The following SLC9B2 variants were observed in gnomAD, a reference collection of about 807,000 sequenced individuals.
SLC9B2 encodes sodium/hydrogen exchanger 9B2.
SLC9B2 carries 39 observed loss-of-function variants against 52.2 expected under a neutral mutation model. The observed-to-expected ratio is 0.75, with a 90% CI of 0.58 to 0.98. SLC9B2 has a LOEUF of 0.98. Among genes scored for constraint, SLC9B2 ranks in the 50% least tolerant of loss-of-function variants. The pLI is 0.00. For missense variants in SLC9B2, 626 were observed against 637.5 expected (o/e 0.98, Z 0.19); for synonymous variants, 214 against 227.0 (o/e 0.94, Z 0.51).
At chr4:103,034,813 A>C (rs1191526824) in intron 9 of SLC9B2, among the ~76,000 whole-genome samples, 1 of 152,130 alleles carries the variant, frequency 6.6e-6, no homozygotes, top group Non-Finnish European at 1.5e-5. Context: ...AATTAACCAC[A>C]ATATTTGAGC....
In SLC9B2 at chr4:103,067,524, T is replaced by A; in HGVS notation, c.27A>T (p.Thr9=). ...CTGTGGATGGTTCTGAATCTTCATA[T>A]GTAATTCTTTTATCTTCATCCCCCA... MGDEDKRI[T]YEDSEPSTGM... is the part of the protein sequence containing the mutation. The change falls in exon 2 of 12, where the codon ACA becomes ACT. Residue 9 remains threonine (T), a synonymous_variant. Transcript: ENST00000394785. 6.2e-7 allele frequency: 1 copy of A among 1,613,074 alleles called. No homozygotes were observed. The highest frequency in any genetic ancestry group is 8.5e-7 in the Non-Finnish European group (1 of 1,179,188).
chr4:103,057,091 C>A (rs749497806), intron 4 of SLC9B2, among the ~76,000 whole-genome samples: 13 of 151,902 alleles, frequency 8.6e-5, no homozygotes, highest in Non-Finnish European at 8.8e-5. Flanking sequence ...CATGATGTCA[C>A]TGAACGTGGA....
In SLC9B2 at chr4:103,022,560, T is replaced by C. The variant is rs1251630417; in HGVS notation, c.*3810A>G. 6.6e-6 allele frequency among the ~76,000 whole-genome samples: 1 copy of C among 152,240 alleles called. No individual in the cohort carries two copies. On this transcript the variant is annotated 3_prime_UTR_variant, in exon 12 of 12. Coordinates refer to ENST00000394785, the MANE Select transcript of SLC9B2 (RefSeq NM_178833.7). The stretch of plus-strand genomic sequence containing the variant: ...ATTTTTTGCAATGAAAATGTGTTAC[T>C]TTATAATCAGAAAAAAATACTATTT...
At chr4:103,046,982 T>G (rs1744197118) in intron 7 of SLC9B2, 69 bp downstream of exon 7, 1 of 1,520,554 alleles carries the variant, frequency 6.6e-7, no homozygotes, top group Admixed American at 1.9e-5. Context: ...AAATATGTCA[T>G]GCTTATAACA....
At chr4:103,074,751 T>G (rs1425762936) in intron 1 of SLC9B2, among the ~76,000 whole-genome samples, 2 of 152,126 alleles carry the variant, frequency 1.3e-5, no homozygotes, top group Non-Finnish European at 2.9e-5. Flanking sequence ...TTTTCCAAAT[T>G]TCCACTCATG....
At chr4:103,065,150 A>G (rs1263387615) in intron 3 of SLC9B2, among the ~76,000 whole-genome samples, 1 of 149,290 alleles carries the variant, frequency 6.7e-6, no homozygotes, top group Non-Finnish European at 1.5e-5. Context: ...TTAAATCTGA[A>G]GATCCATGAA....
intron 3 of SLC9B2, among the ~76,000 whole-genome samples, chr4:103,058,934 G>A (rs1745394467): frequency 6.6e-6 from 1 of 152,062 alleles, no homozygotes. Flanking sequence ...GGGTATGGTG[G>A]TGGGCATCTG....
Position 103,065,352 on chromosome 4 carries a change from T to C in SLC9B2, c.271+975A>G, listed in dbSNP as rs967390615. The C allele has an allele frequency of 2.2e-4, 33 of 151,132 alleles. 1 individual carries two copies. The highest frequency in any genetic ancestry group is 1.9e-3 in the South Asian group (9 of 4,732). The allele number at this position is 151,132 out of a possible 1,614,324, so 9.4% of individuals were successfully genotyped here. On this transcript the variant is annotated intron_variant, in intron 3 of 11. Coordinates refer to ENST00000394785, the MANE Select transcript of SLC9B2 (RefSeq NM_178833.7). ...ATAAATATATTGTATTCTTGAAAAA[T>C]ACTAACAGTGAATGTATTGTGTTCT...
chr4:103,076,676 G>C lies in SLC9B2; in HGVS notation c.-535C>G, dbSNP rs901060642. ...CCCTGGGCGGGTCCGCAGGCTTCTG[G>C]GGCCAGGACCAGCGAGCTCCCGGGA... On this transcript the variant is annotated 5_prime_UTR_variant, in exon 1 of 12. Transcript: ENST00000394785. 6.6e-6 allele frequency: 1 copy of C among 152,224 alleles called. No homozygotes were observed. Among genetic ancestry groups the C allele is most frequent in the Non-Finnish European group, 1.5e-5 (1 of 68,052 alleles). 9.4% of individuals were successfully genotyped at this position (152,224 alleles called of 1,614,324 possible).
intron 4 of SLC9B2, among the ~76,000 whole-genome samples, chr4:103,053,002 T>C (rs1398351479): frequency 1.3e-5 from 2 of 152,168 alleles, no homozygotes; most frequent in Admixed American, 6.5e-5. Context: ...CCCCTGGTCA[T>C]GGAGGAAAGA....
At chr4:103,059,426 T>C (rs1745437941) in intron 3 of SLC9B2, among the ~76,000 whole-genome samples, 1 of 152,218 alleles carries the variant, frequency 6.6e-6, no homozygotes. Flanking sequence ...GGAAAAGCGT[T>C]GGCAGCTTCT....
chr4:103,055,880 T>C (rs1346571199), intron 4 of SLC9B2, among the ~76,000 whole-genome samples: 1 of 150,068 alleles, frequency 6.7e-6, no homozygotes, highest in Non-Finnish European at 1.5e-5. Flanking sequence ...CTCGGCTCAC[T>C]GCATGCTCCA....
At position 103,025,318 on chromosome 4, in the gene SLC9B2, A is replaced by C. The variant is rs1209968355; in HGVS notation, c.*1052T>G. On this transcript the variant is annotated 3_prime_UTR_variant, in exon 12 of 12. Coordinates refer to ENST00000394785, the MANE Select transcript of SLC9B2 (RefSeq NM_178833.7). ...GGGAGTTATTTATATCCCACTGCTC[A>C]AGGTCATTGCCAAGGTCTGATTTTT... 5.9e-5 allele frequency among the ~76,000 whole-genome samples: 9 copies of C among 152,138 alleles called. No individual in the cohort carries two copies. The highest frequency in any genetic ancestry group is 1.2e-4 in the Non-Finnish European group (8 of 68,028).
intron 4 of SLC9B2, among the ~76,000 whole-genome samples, chr4:103,054,986 G>C (rs1199471024): frequency 6.6e-6 from 1 of 152,058 alleles, no homozygotes; most frequent in African/African-American, 2.4e-5. Context: ...TTGGAACCAA[G>C]CCAAATGTCC....
At chr4:103,020,032 C>T (rs916950069), downstream of SLC9B2, 3 of 603,762 alleles carry the variant, frequency 5.0e-6, no homozygotes, top group African/African-American at 4.0e-5. Context: ...TAGAAGAGCA[C>T]GGTCTCTCCC....
chr4:103,029,821 C>A (rs1274533434), intron 10 of SLC9B2, among the ~76,000 whole-genome samples: 1 of 152,114 alleles, frequency 6.6e-6, no homozygotes, highest in Non-Finnish European at 1.5e-5. Flanking sequence ...TTAGTCCTTA[C>A]AACCCGTGGA....
At position 103,047,053 on chromosome 4, in the gene SLC9B2, G is replaced by A. The variant is rs754173945; in HGVS notation, c.887C>T (p.Thr296Ile). ...FNTCLGIAFS[T>I]GSTVFNVLRG... ...CTGTTGTGAACTGATTAGGTTACCT[G>A]TGGAAAAGGCTATGCCCAAGCATGT... is the stretch of plus-strand genomic sequence containing the variant. Residue 296 changes from threonine (T) to isoleucine (I), a missense_variant and splice_region_variant, in exon 7 of 12, where the codon ACA becomes ATA. Thr to Ile is a moderately conservative substitution (Grantham distance 89). Transcript: ENST00000394785. The A allele has an allele frequency of 3.7e-6, 6 of 1,613,670 alleles. No homozygotes were observed. The Admixed American group carries it at 6.7e-5, about 18-fold the overall frequency.
At chr4:103,070,019 A>G (rs148897969) in intron 1 of SLC9B2, among the ~76,000 whole-genome samples, 1 of 152,322 alleles carries the variant, frequency 6.6e-6, no homozygotes, top group East Asian at 1.9e-4. Flanking sequence ...AAAGTTCCCT[A>G]TTCTCCAATA....
At chr4:103,053,699 C>T (rs899692786) in intron 4 of SLC9B2, among the ~76,000 whole-genome samples, 1 of 151,774 alleles carries the variant, frequency 6.6e-6, no homozygotes, top group African/African-American at 2.4e-5. Flanking sequence ...ACCTAGGCAT[C>T]AGCTTTTTTT....
Sources: allele counts gnomAD v4.1 joint callset (sites outside exome capture counted in the v4.1 genomes callset), GRCh38; gene constraint gnomAD v4.1.1; transcripts MANE v1.5; gene names NCBI Gene and HGNC (gene_info 2026-07-23, HGNC 2026-07-21).